The following ARHGEF6 variants were observed in gnomAD, a reference collection of about 807,000 sequenced individuals.
ARHGEF6 encodes rho guanine nucleotide exchange factor 6.
In ARHGEF6, 9 loss-of-function variants were observed where a neutral mutation model predicts 70.3. The ratio of observed to expected loss-of-function variants is 0.13; its 90% CI spans 0.08 to 0.22. The LOEUF is 0.22. Among genes scored for constraint, ARHGEF6 ranks in the 10% least tolerant of loss-of-function variants. The probability of loss-of-function intolerance (pLI) is 1.00; values close to 1 mark genes in which losing one functional copy is unlikely to be tolerated. For missense variants in ARHGEF6, 470 were observed against 563.0 expected (o/e 0.83, Z 1.67); for synonymous variants, 201 against 207.8 (o/e 0.97, Z 0.28).
intron 7 of ARHGEF6, among the ~76,000 whole-genome samples, chrX:136,712,439 T>A (rs922980288): frequency 1.8e-5 from 2 of 112,459 alleles, no homozygotes; most frequent in Non-Finnish European, 3.8e-5. Context: ...TATTAACTTA[T>A]TTAAGTTTGA....
At chrX:136,679,336 G>T (rs1338884619) in intron 16 of ARHGEF6, among the ~76,000 whole-genome samples, 199 bp downstream of exon 16, 5 of 112,029 alleles carry the variant, frequency 4.5e-5, no homozygotes, top group Non-Finnish European at 7.5e-5. Flanking sequence ...AGATCCTGTA[G>T]ATATTCAGTA....
chrX:136,740,859 ATCT>A (rs1017592587), intron 5 of ARHGEF6, among the ~76,000 whole-genome samples: 1 of 111,788 alleles, frequency 8.9e-6, no homozygotes, highest in African/African-American at 3.3e-5. Flanking sequence ...AACCTGGAAA[ATCT>A]TTTAGGGATT....
At chrX:136,779,622 C>T (rs2077431928) in intron 1 of ARHGEF6, 125 bp from the exon 2 acceptor site, 3 of 586,072 alleles carry the variant, frequency 5.1e-6, no homozygotes, top group Admixed American at 2.7e-5. Flanking sequence ...TGCTGTCAAT[C>T]CAGGAAGAGA....
intron 9 of ARHGEF6, among the ~76,000 whole-genome samples, chrX:136,704,470 G>A (rs942981896): frequency 2.7e-5 from 3 of 112,061 alleles, no homozygotes; most frequent in Admixed American, 9.4e-5. Context: ...GTATTAGTCC[G>A]TTTTCACACT....
intron 11 of ARHGEF6, among the ~76,000 whole-genome samples, chrX:136,687,682 TGCTTAATGTG>T (rs1394691302): frequency 2.7e-5 from 3 of 111,961 alleles, no homozygotes; most frequent in Non-Finnish European, 3.8e-5. Context: ...TACACACCAA[TGCTTAATGTG>T]GCTTAATGTG....
chrX:136,685,310 G>C (rs931975555), intron 12 of ARHGEF6, among the ~76,000 whole-genome samples: 5 of 111,536 alleles, frequency 4.5e-5, no homozygotes, highest in African/African-American at 1.6e-4. Context: ...TATTTGGTTT[G>C]TCAGCTAGTT....
chrX:136,681,925 T>A lies in ARHGEF6; in HGVS notation c.1523A>T (p.Glu508Val). 8.3e-7 allele frequency: 1 copy of A among 1,209,813 alleles called. No homozygotes were observed. The highest frequency in any genetic ancestry group is 1.8e-5 in the South Asian group (1 of 56,964). Residue 508 changes from glutamate (E) to valine (V), a missense_variant, in exon 14 of 22, where the codon GAA becomes GTA. Glu to Val is a moderately radical substitution (Grantham distance 121). Coordinates refer to ENST00000250617, the MANE Select transcript of ARHGEF6 (RefSeq NM_004840.3). ...AAATGTGCAGTCATTCCCTTCAATT[T>A]CATCTAATCTAGTCACCACCGTTCC... ...IAGTVVTRLD[E>V]IEGNDCTFEI...
chrX:136,707,130 A>G (rs2076634623), intron 8 of ARHGEF6, 100 bp from the exon 9 acceptor site: 1 of 1,039,472 alleles, frequency 9.6e-7, no homozygotes, highest in Non-Finnish European at 1.3e-6. Flanking sequence ...CCTTCTGAAT[A>G]TTTTGCCAAG....
At chrX:136,743,162 T>C (rs1174828908) in intron 5 of ARHGEF6, among the ~76,000 whole-genome samples, 1 of 111,692 alleles carries the variant, frequency 9.0e-6, no homozygotes, top group African/African-American at 3.3e-5. Flanking sequence ...CTCTCATGTC[T>C]GAGGCATTTA....
intron 6 of ARHGEF6, among the ~76,000 whole-genome samples, chrX:136,729,000 T>TTCTCTC (rs746818580): frequency 2.4e-3 from 39 of 16,069 alleles, no homozygotes; most frequent in East Asian, 5.1e-3. Flanking sequence ...TCCTTATTCA[T>TTCTCTC]TCTCTCTCTC....
rs145304017 is a variant in ARHGEF6 at position 136,730,945 on chromosome X, A to G, written c.732+1157T>C. Among the ~76,000 whole-genome samples the G allele has an allele frequency of 3.7e-3, 414 of 111,618 alleles. 1 individual carries two copies. Among genetic ancestry groups the G allele is most frequent in the African/African-American group, 0.013 (403 of 30,706 alleles). ...TCCAGACCCACAGAGAGAAGCAGCT[A>G]TGGTAATATTTTCATCCACCATTCC... On this transcript the variant is annotated intron_variant, in intron 6 of 21. Transcript: ENST00000250617.
intron 2 of ARHGEF6, 91 bp from the exon 3 acceptor site, chrX:136,747,683 G>GAAAA: frequency 1.1e-5 from 2 of 179,037 alleles, no homozygotes; most frequent in Non-Finnish European, 1.9e-5. Flanking sequence ...CCAGCTCTCC[G>GAAAA]GAAAAAAAAA....
intron 2 of ARHGEF6, among the ~76,000 whole-genome samples, chrX:136,765,317 A>G (rs1222320909): frequency 8.9e-6 from 1 of 112,388 alleles, no homozygotes; most frequent in Non-Finnish European, 1.9e-5. Context: ...AACAAAACTC[A>G]TACTCTTCAA....
At chrX:136,716,254 T>C (rs940535963) in intron 6 of ARHGEF6, among the ~76,000 whole-genome samples, 4 of 112,506 alleles carry the variant, frequency 3.6e-5, no homozygotes, top group African/African-American at 6.5e-5. Flanking sequence ...GCATAACCTA[T>C]TGAATTTTTA....
At chrX:136,747,978 T>C (rs1461650819) in intron 2 of ARHGEF6, among the ~76,000 whole-genome samples, 1 of 112,105 alleles carries the variant, frequency 8.9e-6, no homozygotes, top group Non-Finnish European at 1.9e-5. Flanking sequence ...CATAATGTCC[T>C]CGACAGTCCA....
intron 6 of ARHGEF6, among the ~76,000 whole-genome samples, chrX:136,713,690 G>A (rs1271832623): frequency 9.0e-6 from 1 of 111,626 alleles, no homozygotes; most frequent in Non-Finnish European, 1.9e-5. Context: ...ATGTTGCCCA[G>A]GGTGGTCTCA....
At chrX:136,707,552 C>T (rs1023976124) in intron 8 of ARHGEF6, among the ~76,000 whole-genome samples, 1 of 112,294 alleles carries the variant, frequency 8.9e-6, no homozygotes, top group Non-Finnish European at 1.9e-5. Context: ...AGACTCCCAC[C>T]ATTTGGAGAT....
At chrX:136,727,476 T>C (rs1446351179) in intron 6 of ARHGEF6, among the ~76,000 whole-genome samples, 1 of 102,631 alleles carries the variant, frequency 9.7e-6, no homozygotes, top group African/African-American at 3.6e-5. Flanking sequence ...TTTCTCTCTT[T>C]CTTTCCTTCT....
chrX:136,701,820 G>T (rs959616816), intron 9 of ARHGEF6, among the ~76,000 whole-genome samples: 7 of 101,624 alleles, frequency 6.9e-5, no homozygotes, highest in Non-Finnish European at 1.4e-4. Context: ...CCATTCTCCT[G>T]CCTCAGCCTC....
Sources: allele counts gnomAD v4.1 joint callset (sites outside exome capture counted in the v4.1 genomes callset), GRCh38; gene constraint gnomAD v4.1.1; transcripts MANE v1.5; gene names NCBI Gene and HGNC (gene_info 2026-07-23, HGNC 2026-07-21).